Variants in ATXN1 observed in about 807,000 individuals in gnomAD.
ATXN1 encodes the protein ataxin-1.
ATXN1 carries 8 observed loss-of-function variants against 56.4 expected under a neutral mutation model. The ratio of observed to expected loss-of-function variants is 0.14; its 90% CI spans 0.08 to 0.26. The LOEUF is 0.26. ATXN1 is among the 10% of genes least tolerant of loss of function. The pLI, the probability that ATXN1 is intolerant of heterozygous loss-of-function variation, is 1.00. For synonymous variants in ATXN1, 514 were observed against 494.6 expected (o/e 1.04, Z -0.52); for missense variants, 987 against 1,106.5 (o/e 0.89, Z 1.53).
chr6:16,387,264 C>T (rs1238108108), intron 6 of ATXN1, among the ~76,000 whole-genome samples: 1 of 152,182 alleles, frequency 6.6e-6, no homozygotes, highest in Non-Finnish European at 1.5e-5. Context: ...CTTTTCCCCT[C>T]CTCATTAAAT....
At chr6:16,404,702 G>A (rs941089346) in intron 6 of ATXN1, among the ~76,000 whole-genome samples, 2 of 131,984 alleles carry the variant, frequency 1.5e-5, no homozygotes, top group Non-Finnish European at 3.1e-5. Context: ...ACTCGCGCGC[G>A]CGCACACACG....
chr6:16,497,471 A>G (rs1205985530), intron 5 of ATXN1, among the ~76,000 whole-genome samples: 4 of 152,222 alleles, frequency 2.6e-5, no homozygotes, highest in Non-Finnish European at 5.9e-5. Context: ...CAGACTATCC[A>G]TTATCCAAAG....
chr6:16,467,981 C>G (rs752561251), intron 6 of ATXN1, among the ~76,000 whole-genome samples: 22 of 152,016 alleles, frequency 1.4e-4, no homozygotes, highest in African/African-American at 5.3e-4. Flanking sequence ...TAGTGACCAT[C>G]GAATATGTTG....
chr6:16,755,689 A>C (rs1347384886), intron 1 of ATXN1, among the ~76,000 whole-genome samples: 2 of 151,976 alleles, frequency 1.3e-5, no homozygotes, highest in Admixed American at 6.6e-5. Context: ...ACTCATTCAA[A>C]ACTTGTCATG....
chr6:16,725,318 A>T (rs1335625271), intron 2 of ATXN1, among the ~76,000 whole-genome samples: 1 of 152,178 alleles, frequency 6.6e-6, no homozygotes, highest in Non-Finnish European at 1.5e-5. Flanking sequence ...ATTCCAGAGG[A>T]GTGTGATTGT....
At chr6:16,580,797 A>G (rs1762514242) in intron 4 of ATXN1, among the ~76,000 whole-genome samples, 1 of 152,010 alleles carries the variant, frequency 6.6e-6, no homozygotes, top group African/African-American at 2.4e-5. Context: ...TTGACCCTAC[A>G]TTTTTTCGCT....
chr6:16,475,070 T>C (rs1197939639), intron 6 of ATXN1, among the ~76,000 whole-genome samples: 1 of 152,190 alleles, frequency 6.6e-6, no homozygotes, highest in Non-Finnish European at 1.5e-5. Context: ...TTTGGGAATC[T>C]CCCTACTCCT....
rs149234761 is a variant in ATXN1 at position 16,693,111 on chromosome 6, C to A, written c.-614-35210G>T. ...TCTGAAGATGAGAATCGTAATAGTA[C>A]CAGAAGAACTGATATCTACCTACTA... On this transcript the variant is annotated intron_variant, in intron 2 of 7. Coordinates refer to ENST00000436367, the MANE Select transcript of ATXN1 (RefSeq NM_001128164.2). Among the ~76,000 whole-genome samples, 23 of 152,224 alleles carry A rather than the reference C, an allele frequency of 1.5e-4. No homozygotes were observed. In the East Asian group the frequency reaches 3.7e-3, roughly 24 times the overall value.
intron 5 of ATXN1, among the ~76,000 whole-genome samples, chr6:16,500,884 A>C (rs1413967475): frequency 6.6e-6 from 1 of 152,218 alleles, no homozygotes; most frequent in Admixed American, 6.5e-5. Context: ...CCCATACTTA[A>C]ATATTCAGGT....
At chr6:16,514,734 G>A (rs189938057) in intron 5 of ATXN1, among the ~76,000 whole-genome samples, 9 of 151,974 alleles carry the variant, frequency 5.9e-5, no homozygotes, top group East Asian at 3.9e-4. Context: ...TAATATCCAC[G>A]GCACTTTGGG....
chr6:16,503,781 T>C (rs1214089164), intron 5 of ATXN1, among the ~76,000 whole-genome samples: 2 of 152,184 alleles, frequency 1.3e-5, no homozygotes. Flanking sequence ...GGGAAAAATA[T>C]TTATGTAAAT....
At chr6:16,623,726 A>T (rs1763359068) in intron 3 of ATXN1, among the ~76,000 whole-genome samples, 1 of 152,206 alleles carries the variant, frequency 6.6e-6, no homozygotes, top group South Asian at 2.1e-4. Context: ...TTATAACGGG[A>T]CTTGCCAGAT....
intron 2 of ATXN1, among the ~76,000 whole-genome samples, chr6:16,662,305 C>G (rs150442635): frequency 1.1e-4 from 16 of 151,948 alleles, no homozygotes; most frequent in Non-Finnish European, 2.1e-4. Flanking sequence ...TTTGCACAAG[C>G]AATGAAGCAT....
intron 6 of ATXN1, among the ~76,000 whole-genome samples, chr6:16,463,119 C>T (rs1241234124): frequency 1.3e-5 from 2 of 152,168 alleles, no homozygotes; most frequent in Non-Finnish European, 2.9e-5. Flanking sequence ...CCCAACACCC[C>T]TTTCCAGCCA....
intron 3 of ATXN1, among the ~76,000 whole-genome samples, chr6:16,613,037 G>A (rs1176687399): frequency 2.7e-5 from 4 of 149,436 alleles, no homozygotes; most frequent in Admixed American, 6.6e-5. Context: ...AGGCCGAGGC[G>A]GGTGGATCAT....
Position 16,760,877 on chromosome 6 carries a change from C to T in ATXN1, c.-730+421G>A, listed in dbSNP as rs1171378693. Among the ~76,000 whole-genome samples the T allele has an allele frequency of 6.7e-6, 1 of 148,804 alleles. No homozygotes were observed. The highest frequency in any genetic ancestry group is 1.5e-5 in the Non-Finnish European group (1 of 66,646). ...GGACATGGCTCTCCGCACTTGCGAC[C>T]GGACCAGCAGCCGGGGGAGCGGGGC... On this transcript the variant is annotated intron_variant, in intron 1 of 7. Coordinates refer to ENST00000436367, the MANE Select transcript of ATXN1 (RefSeq NM_001128164.2). The surrounding 1 kb of genome is among the most constrained non-coding windows in gnomAD (Gnocchi z 5.3).
chr6:16,542,512 C>T (rs73724894), intron 4 of ATXN1, among the ~76,000 whole-genome samples: 1,761 of 152,290 alleles, frequency 0.012, 42 homozygotes, highest in African/African-American at 0.04. Context: ...AGCAAACACA[C>T]GGCTATCTTA....
intron 2 of ATXN1, among the ~76,000 whole-genome samples, chr6:16,731,439 C>CTTTTT (rs201673319): frequency 1.2e-5 from 1 of 84,976 alleles, no homozygotes; most frequent in South Asian, 4.1e-4. Flanking sequence ...ACGAGAGAGG[C>CTTTTT]TTTTTTTTTC....
At chr6:16,646,481 C>T (rs554566607) in intron 3 of ATXN1, among the ~76,000 whole-genome samples, 2 of 152,352 alleles carry the variant, frequency 1.3e-5, no homozygotes, top group South Asian at 4.1e-4. Context: ...GAATAGTTCA[C>T]ACTCACCGTT....
Sources: allele counts gnomAD v4.1 joint callset (sites outside exome capture counted in the v4.1 genomes callset), GRCh38; gene constraint gnomAD v4.1.1; non-coding constraint Gnocchi (gnomAD v3.1); transcripts MANE v1.5; gene names NCBI Gene and HGNC (gene_info 2026-07-23, HGNC 2026-07-21).